The following ATP8A2 variants were observed in gnomAD, a reference collection of about 807,000 sequenced individuals.
The protein encoded by ATP8A2 is ATPase phospholipid transporting 8A2, also known as phospholipid-transporting ATPase IB.
ATP8A2 carries 100 observed loss-of-function variants against 165.6 expected under a neutral mutation model. That is an observed-to-expected ratio of 0.60 (90% CI 0.51 to 0.71). The LOEUF is 0.71. ATP8A2 is among the 30% of genes least tolerant of loss of function. The pLI is 0.00. For missense variants in ATP8A2, 1,227 were observed against 1,479.5 expected, an observed-to-expected ratio of 0.83 and a Z score of 2.80; for synonymous variants, 543 against 548.8, an observed-to-expected ratio of 0.99 and a Z score of 0.15.
At chr13:25,475,646 G>C (rs971089757) in intron 2 of ATP8A2, among the ~76,000 whole-genome samples, 2 of 152,160 alleles carry the variant, frequency 1.3e-5, no homozygotes, top group African/African-American at 4.8e-5. Flanking sequence ...CAGTGTGTAA[G>C]TGTTCCCTTT....
At chr13:25,582,030 T>G (rs2039791906) in intron 23 of ATP8A2, 73 bp downstream of exon 23, 13 of 1,374,160 alleles carry the variant, frequency 9.5e-6, no homozygotes, top group Middle Eastern at 4.4e-4. Flanking sequence ...TAAATGTGTC[T>G]AAATGTTTCT....
intron 29 of ATP8A2, among the ~76,000 whole-genome samples, chr13:25,839,166 T>C (rs1200241654): frequency 1.3e-5 from 2 of 152,146 alleles, no homozygotes; most frequent in Non-Finnish European, 2.9e-5. Context: ...AGTTTTAGTC[T>C]CTTCTTAACA....
intron 34 of ATP8A2, among the ~76,000 whole-genome samples, chr13:25,964,147 T>G (rs1955723767): frequency 6.6e-6 from 1 of 152,344 alleles, no homozygotes; most frequent in Admixed American, 6.5e-5. Context: ...ATCTCAGCTC[T>G]GGGCTGAGCC....
intron 7 of ATP8A2, among the ~76,000 whole-genome samples, chr13:25,539,062 TGTGTG>T (rs887777156): frequency 1.1e-5 from 1 of 90,964 alleles, no homozygotes; most frequent in African/African-American, 6.4e-5. Context: ...GAAAATTTAG[TGTGTG>T]TGTGTGTGTG....
chr13:25,645,288 A>C (rs1249036947), intron 24 of ATP8A2, among the ~76,000 whole-genome samples: 5 of 152,218 alleles, frequency 3.3e-5, no homozygotes, highest in Non-Finnish European at 5.9e-5. Flanking sequence ...CAGTATCACC[A>C]GAATAGCACA....
intron 10 of ATP8A2, among the ~76,000 whole-genome samples, chr13:25,545,562 A>G (rs1296584705): frequency 6.6e-6 from 1 of 152,140 alleles, no homozygotes; most frequent in Non-Finnish European, 1.5e-5. Flanking sequence ...TAACTCCCAT[A>G]GTGCAGTGTC....
chr13:25,781,219 A>C (rs562533565), intron 27 of ATP8A2, among the ~76,000 whole-genome samples: 3 of 152,150 alleles, frequency 2.0e-5, no homozygotes, highest in Admixed American at 1.3e-4. Flanking sequence ...GCGGAAGCCG[A>C]GATCGTGCCA....
intron 33 of ATP8A2, among the ~76,000 whole-genome samples, chr13:25,926,740 CT>C (rs1366908314): frequency 6.6e-6 from 1 of 152,224 alleles, no homozygotes; most frequent in East Asian, 1.9e-4. Context: ...TGATTCACGC[CT>C]GTAATCTCAG....
At chr13:26,019,815 C>A in intron 36 of ATP8A2, 73 bp from the exon 37 acceptor site, 1 of 1,091,506 alleles carries the variant, frequency 9.2e-7, no homozygotes, top group Non-Finnish European at 1.4e-6. Flanking sequence ...CAAAAAAAAG[C>A]AGCTTATTTT....
intron 33 of ATP8A2, among the ~76,000 whole-genome samples, chr13:25,958,034 A>G (rs1358653303): frequency 6.6e-5 from 10 of 152,124 alleles, no homozygotes; most frequent in Non-Finnish European, 1.2e-4. Flanking sequence ...ACACAGGAAT[A>G]GAAAACCAAG....
rs764233682 is a variant in ATP8A2, at chr13:26,023,815, T to C, written c.*3830T>C. ...ACTGCCCAGGGTCATCGTCTCAAAG[T>C]AATTCAAGGAGTGATTTAACATCAG... On this transcript the variant is annotated 3_prime_UTR_variant, in exon 37 of 37. Coordinates refer to ENST00000381655, the MANE Select transcript of ATP8A2 (RefSeq NM_016529.6). The C allele has an allele frequency of 7.9e-5, 12 of 152,218 alleles. No homozygotes were observed. The highest frequency in any genetic ancestry group is 5.9e-4 in the Admixed American group (9 of 15,284). 9.4% of individuals were successfully genotyped at this position (152,218 alleles called of 1,614,324 possible).
At position 25,831,126 on chromosome 13, in the gene ATP8A2, T is replaced by C. The variant is rs965695182; in HGVS notation, c.2754+2934T>C. Among the ~76,000 whole-genome samples, 7 of 152,230 alleles carry C rather than the reference T, an allele frequency of 4.6e-5. No homozygotes were observed. In the East Asian group the frequency reaches 1.4e-3, roughly 29 times the overall value. On this transcript the variant is annotated intron_variant, in intron 28 of 36. Transcript: ENST00000381655. Reference sequence around the variant, plus strand: ...CCGCTGTCATTTTCTTCATGCAGTATTTCTCTCCTGCTTTTTCTTCTAAAT... The same window carrying C: ...CCGCTGTCATTTTCTTCATGCAGTACTTCTCTCCTGCTTTTTCTTCTAAAT...
intron 30 of ATP8A2, among the ~76,000 whole-genome samples, chr13:25,845,852 A>C (rs1329027145): frequency 6.6e-6 from 1 of 152,236 alleles, no homozygotes; most frequent in African/African-American, 2.4e-5. Context: ...GCAACTTCTT[A>C]AACTCAATTA....
At chr13:25,395,421 G>GA (rs1226983584) in intron 1 of ATP8A2, among the ~76,000 whole-genome samples, 2 of 151,928 alleles carry the variant, frequency 1.3e-5, no homozygotes, top group African/African-American at 4.8e-5. Flanking sequence ...AAAGTTTGCT[G>GA]AAAAAATCTA....
chr13:25,623,116 G>A (rs1386042807), intron 24 of ATP8A2, among the ~76,000 whole-genome samples: 1 of 152,188 alleles, frequency 6.6e-6, no homozygotes, highest in Admixed American at 6.5e-5. Flanking sequence ...ACGCACAGTA[G>A]CTCATGCCTG....
chr13:25,550,945 T>C (rs1327360727), intron 10 of ATP8A2, among the ~76,000 whole-genome samples: 1 of 152,220 alleles, frequency 6.6e-6, no homozygotes, highest in African/African-American at 2.4e-5. Flanking sequence ...GTGAAGGTCT[T>C]CTCTAGATTT....
chr13:25,943,188 CAAT>C (rs1955118257), intron 33 of ATP8A2, among the ~76,000 whole-genome samples: 3 of 152,164 alleles, frequency 2.0e-5, no homozygotes, highest in South Asian at 2.1e-4. Context: ...ATTCTCAGAA[CAAT>C]AATAATACCT....
intron 33 of ATP8A2, among the ~76,000 whole-genome samples, chr13:25,932,718 A>C (rs1033690370): frequency 3.3e-5 from 5 of 152,324 alleles, no homozygotes; most frequent in African/African-American, 1.2e-4. Context: ...TTGATTGCTC[A>C]AAGCCTGCTG....
In ATP8A2 at chr13:25,457,597, T is replaced by C. The variant is rs554054375; in HGVS notation, c.77-11380T>C. Among the ~76,000 whole-genome samples the C allele has an allele frequency of 7.2e-5, 11 of 152,298 alleles. No homozygotes were observed. The East Asian group carries it at 2.1e-3, about 29-fold the overall frequency. ...TACACATACAGAATGCTTAGAACAG[T>C]GGTAGGCTCAACAATAGTTGTGCTT... On this transcript the variant is annotated intron_variant, in intron 1 of 36. Transcript: ENST00000381655.
Sources: gnomAD v4.1 joint callset for allele counts (sites outside exome capture counted in the v4.1 genomes callset) on GRCh38, gnomAD v4.1.1 for gene constraint, MANE v1.5 for transcripts, NCBI Gene and HGNC (gene_info 2026-07-23, HGNC 2026-07-21) for gene names.